Variants in ARNT observed in about 807,000 individuals in gnomAD.
The protein encoded by ARNT is aryl hydrocarbon receptor nuclear translocator.
ARNT carries 30 observed loss-of-function variants against 105.0 expected under a neutral mutation model. That is an observed-to-expected ratio of 0.29 (90% confidence interval 0.21 to 0.39). The LOEUF is 0.39. Among genes scored for constraint, ARNT ranks in the 10% least tolerant of loss-of-function variants. The pLI is 1.00. For missense variants in ARNT, 748 were observed against 978.7 expected (o/e 0.76, Z 3.15); for synonymous variants, 304 against 344.0 (o/e 0.88, Z 1.29).
At chr1:150,825,375 A>G (rs1316014770) in intron 13 of ARNT, among the ~76,000 whole-genome samples, 2 of 152,160 alleles carry the variant, frequency 1.3e-5, no homozygotes, top group Non-Finnish European at 2.9e-5. Context: ...TAATATATTC[A>G]TTGTATCAAT....
chr1:150,842,731 AAGGTCAACATAAAAGC>A (rs1661514819), intron 4 of ARNT, among the ~76,000 whole-genome samples: 1 of 152,196 alleles, frequency 6.6e-6, no homozygotes, highest in Non-Finnish European at 1.5e-5. Context: ...TTACAAGATA[AAGGTCAACATAAAAGC>A]AAAGCCAATA....
At chr1:150,871,433 T>C (rs1041588089) in intron 1 of ARNT, among the ~76,000 whole-genome samples, 1 of 150,338 alleles carries the variant, frequency 6.7e-6, no homozygotes, top group African/African-American at 2.4e-5. Context: ...CCCGAGTAGC[T>C]GGGATTACAG....
At position 150,811,843 on chromosome 1, in the gene ARNT, T is replaced by G. The variant is rs950026522; in HGVS notation, c.*178A>C. The G allele has an allele frequency of 2.2e-5, 9 of 409,014 alleles. No homozygotes were observed. The highest frequency in any genetic ancestry group is 1.8e-4 in the Admixed American group (4 of 22,414). The allele number at this position is 409,014 out of a possible 1,614,324, so 25.3% of individuals were successfully genotyped here. A position where few individuals can be genotyped will look rare whatever the true frequency, so the allele number is the denominator to read the frequency against. On this transcript the variant is annotated 3_prime_UTR_variant, in exon 22 of 22. Coordinates refer to ENST00000358595, the MANE Select transcript of ARNT (RefSeq NM_001668.4). ...TTGGAGATTCATTCCATTTCTTCTA[T>G]AAATGTTACCTTAGAGAGGCAACAG...
chr1:150,853,106 C>A (rs1663935397), intron 2 of ARNT: 1 of 356,292 alleles, frequency 2.8e-6, no homozygotes, highest in African/African-American at 2.1e-5. Context: ...CATGCTGAAA[C>A]CCCATCTCTA....
At chr1:150,872,411 T>C (rs1159185927) in intron 1 of ARNT, among the ~76,000 whole-genome samples, 1 of 152,244 alleles carries the variant, frequency 6.6e-6, no homozygotes, top group Non-Finnish European at 1.5e-5. Flanking sequence ...ATTTTCTTCC[T>C]AAATGACAGC....
Position 150,810,986 on chromosome 1 carries a change from T to C in ARNT, c.*1035A>G, listed in dbSNP as rs1051525226. 2.2e-5 allele frequency: 5 copies of C among 230,226 alleles called. No homozygotes were observed. The highest frequency in any genetic ancestry group is 5.7e-5 in the Admixed American group (1 of 17,644). The allele number at this position is 230,226 out of a possible 1,614,324, so 14.3% of individuals were successfully genotyped here. A position where few individuals can be genotyped will look rare whatever the true frequency, so the allele number is the denominator to read the frequency against. On this transcript the variant is annotated 3_prime_UTR_variant, in exon 22 of 22. Transcript: ENST00000358595. Reference sequence around the variant, plus strand: ...CAATGAGGATTTTCACTGGGACGGCTAATCCAAGAAGTTGAGTTTCCATGC... The same window carrying C: ...CAATGAGGATTTTCACTGGGACGGCCAATCCAAGAAGTTGAGTTTCCATGC...
At chr1:150,867,580 A>G (rs900077106) in intron 1 of ARNT, among the ~76,000 whole-genome samples, 1 of 152,134 alleles carries the variant, frequency 6.6e-6, no homozygotes. Context: ...AAAGTAGTTT[A>G]TGTGAGAAGC....
At chr1:150,873,007 G>A (rs1326416972) in intron 1 of ARNT, among the ~76,000 whole-genome samples, 9 of 151,790 alleles carry the variant, frequency 5.9e-5, no homozygotes, top group African/African-American at 9.7e-5. Context: ...AGTCCGGGCC[G>A]GGCACGGTGA....
At chr1:150,864,601 G>A (rs1258344179) in intron 1 of ARNT, among the ~76,000 whole-genome samples, 1 of 121,798 alleles carries the variant, frequency 8.2e-6, no homozygotes, top group Non-Finnish European at 1.7e-5. Flanking sequence ...ATCACACTCT[G>A]GGGACTGTGG....
At chr1:150,842,512 A>AG (rs903611477) in intron 4 of ARNT, 44 bp from the exon 5 acceptor site, 9 of 1,557,102 alleles carry the variant, frequency 5.8e-6, no homozygotes, top group Admixed American at 3.4e-5. Context: ...AAAATAAAAA[A>AG]GAAGGAAGGA....
At chr1:150,823,119 A>G in intron 14 of ARNT, 75 bp downstream of exon 14, 3 of 1,361,920 alleles carry the variant, frequency 2.2e-6, no homozygotes, top group Non-Finnish European at 2.9e-6. Flanking sequence ...TACCCCCCAC[A>G]TAGGGCATCA....
chr1:150,874,112 A>C (rs1186544646), intron 1 of ARNT, among the ~76,000 whole-genome samples: 1 of 151,816 alleles, frequency 6.6e-6, no homozygotes, highest in Admixed American at 6.6e-5. Flanking sequence ...CTAGTCCTTA[A>C]AATGGCTCTA....
chr1:150,864,912 A>G (rs940577675), intron 1 of ARNT, among the ~76,000 whole-genome samples: 1 of 149,252 alleles, frequency 6.7e-6, no homozygotes, highest in Non-Finnish European at 1.5e-5. Flanking sequence ...AAAGAAAAAG[A>G]CCTATAAAAG....
At chr1:150,851,303 C>T (rs1278065344) in intron 3 of ARNT, among the ~76,000 whole-genome samples, 2 of 151,986 alleles carry the variant, frequency 1.3e-5, no homozygotes, top group Admixed American at 1.3e-4. Flanking sequence ...TGCCCGGCCA[C>T]CCCTTCTGGG....
chr1:150,830,788 T>A (rs1469230188), intron 10 of ARNT, among the ~76,000 whole-genome samples: 2 of 152,264 alleles, frequency 1.3e-5, no homozygotes, highest in African/African-American at 2.4e-5. Context: ...CTCCCCTGTT[T>A]TTTGCATAGT....
chr1:150,829,362 A>C (rs1658899011), intron 11 of ARNT, 135 bp from the exon 12 acceptor site: 2 of 944,530 alleles, frequency 2.1e-6, no homozygotes, highest in East Asian at 5.1e-5. Flanking sequence ...TTTTATCCAA[A>C]AAGGAAAAAA....
intron 1 of ARNT, among the ~76,000 whole-genome samples, chr1:150,861,867 T>C (rs1274512504): frequency 2.0e-5 from 3 of 152,216 alleles, no homozygotes; most frequent in Admixed American, 1.3e-4. Context: ...AATTACATAA[T>C]ATCCAGTACT....
At chr1:150,826,497 G>A (rs1481767494) in intron 13 of ARNT, 46 bp downstream of exon 13, 1 of 1,468,812 alleles carries the variant, frequency 6.8e-7, no homozygotes, top group African/African-American at 1.4e-5. Context: ...TTTATGGAGT[G>A]AATATGACAA....
At chr1:150,847,631 G>C (rs1419082650) in intron 3 of ARNT, among the ~76,000 whole-genome samples, 1 of 152,020 alleles carries the variant, frequency 6.6e-6, no homozygotes, top group Non-Finnish European at 1.5e-5. Flanking sequence ...TAATTCACGG[G>C]TATAAAAAAA....
Sources: gnomAD v4.1 joint callset for allele counts (sites outside exome capture counted in the v4.1 genomes callset) on GRCh38, gnomAD v4.1.1 for gene constraint, MANE v1.5 for transcripts, NCBI Gene and HGNC (gene_info 2026-07-23, HGNC 2026-07-21) for gene names.